The following PIP5K1C variants were observed in gnomAD, a reference collection of about 807,000 sequenced individuals.
The protein encoded by PIP5K1C is phosphatidylinositol-4-phosphate 5-kinase type 1 gamma.
A neutral mutation model predicts 80.1 loss-of-function variants in PIP5K1C; 45 were observed. The ratio of observed to expected loss-of-function variants is 0.56; its 90% CI spans 0.44 to 0.72. The LOEUF (loss-of-function observed/expected upper bound fraction) is 0.72. Ranked by LOEUF, PIP5K1C falls within the 30% of genes least tolerant of loss-of-function variation. PIP5K1C has a pLI of 0.00. For missense variants in PIP5K1C, 753 were observed against 954.6 expected, an observed-to-expected ratio of 0.79 and a Z score of 2.78; for synonymous variants, 498 against 420.1, an observed-to-expected ratio of 1.19 and a Z score of -2.27.
At chr19:3,697,863 C>T (rs186825481) in intron 1 of PIP5K1C, among the ~76,000 whole-genome samples, 2 of 152,242 alleles carry the variant, frequency 1.3e-5, no homozygotes, top group Admixed American at 6.5e-5. Context: ...CCGGCCTTCC[C>T]GAGACCGCCC....
intron 1 of PIP5K1C, among the ~76,000 whole-genome samples, chr19:3,685,524 A>AT (rs978226168): frequency 2.0e-5 from 3 of 152,172 alleles, no homozygotes; most frequent in African/African-American, 7.2e-5. Flanking sequence ...AGGTCAGGAG[A>AT]TCGAGACCAT....
intron 15 of PIP5K1C, 136 bp downstream of exon 15, chr19:3,641,569 C>A: frequency 2.8e-6 from 2 of 713,794 alleles, no homozygotes; most frequent in Non-Finnish European, 5.0e-6. Flanking sequence ...AAAAAATAAA[C>A]TTATGGGAAA....
rs539049814 is a variant in PIP5K1C, at chr19:3,656,525, C to T, written c.501G>A (p.Leu167=). 1.9e-6 allele frequency: 3 copies of T among 1,613,872 alleles called. No homozygotes were observed. The highest frequency in any genetic ancestry group is 1.7e-5 in the Admixed American group (1 of 60,026). The stretch of plus-strand genomic sequence containing the variant: ...GGGAGCCACTGGCGCCCGGGTTGGA[C>T]AGCTCGATCAGCGGCTCATTGCACA... ...YSLCNEPLIE[L]SNPGASGSLF... The change falls in exon 6 of 18, where the codon CTG becomes CTA. Residue 167 remains leucine, a synonymous_variant. Transcript: ENST00000335312.
At chr19:3,638,815 C>A in intron 16 of PIP5K1C, 69 bp downstream of exon 16, 1 of 1,601,558 alleles carries the variant, frequency 6.2e-7, no homozygotes, top group Non-Finnish European at 8.5e-7. Context: ...GCGGTGTGCA[C>A]ACGGTGGAGC....
chr19:3,690,615 G>C (rs977021803), intron 1 of PIP5K1C, among the ~76,000 whole-genome samples: 10 of 152,236 alleles, frequency 6.6e-5, no homozygotes, highest in African/African-American at 2.4e-4. Context: ...ACCAGAAAAG[G>C]AAAGAGTGAT....
At chr19:3,679,869 C>T (rs1009749946) in intron 1 of PIP5K1C, among the ~76,000 whole-genome samples, 2 of 152,230 alleles carry the variant, frequency 1.3e-5, no homozygotes, top group African/African-American at 4.8e-5. Flanking sequence ...GAGCAGGCAA[C>T]TGGAGCCTAG....
At chr19:3,635,004 C>T (rs535521905) in intron 16 of PIP5K1C, among the ~76,000 whole-genome samples, 4 of 152,352 alleles carry the variant, frequency 2.6e-5, no homozygotes, top group South Asian at 2.1e-4. Flanking sequence ...GTCCACCCAA[C>T]GTCCCTTGAG....
chr19:3,642,143 G>A (rs1043397041), intron 14 of PIP5K1C, among the ~76,000 whole-genome samples: 5 of 152,216 alleles, frequency 3.3e-5, no homozygotes, highest in South Asian at 2.1e-4. Context: ...TCAGTGTCCC[G>A]GCCGCCGGGC....
chr19:3,681,077 C>T (rs1218127025), intron 1 of PIP5K1C, among the ~76,000 whole-genome samples: 7 of 152,006 alleles, frequency 4.6e-5, no homozygotes, highest in Non-Finnish European at 1.0e-4. Flanking sequence ...CGCCCCTGTT[C>T]GCCCCCCGCA....
chr19:3,643,254 C>G lies in PIP5K1C; in HGVS notation c.1638G>C (p.Gln546His). The G allele has an allele frequency of 1.2e-6, 2 of 1,613,426 alleles. No homozygotes were observed. The highest frequency in any genetic ancestry group is 1.7e-6 in the Non-Finnish European group (2 of 1,179,740). ...GATGCCTCGCCCACCTGTACCGCGG[C>G]TGCTCCGACGTCTCCGAGGGGGACC... is the stretch of plus-strand genomic sequence containing the variant. ...PERSPSETSE[Q>H]PRYRRRTQSS... The change falls in exon 13 of 18, where the codon CAG becomes CAC. Residue 546 changes from glutamine (Q) to histidine (H), a missense_variant. Physicochemically the swap from Gln to His is conservative, Grantham distance 24. Transcript: ENST00000335312.
chr19:3,660,379 C>CA (rs1717760756), intron 5 of PIP5K1C, among the ~76,000 whole-genome samples: 1 of 143,432 alleles, frequency 7.0e-6, no homozygotes, highest in Non-Finnish European at 1.5e-5. Flanking sequence ...GACTCTGTCT[C>CA]GAAAAAAAAA....
intron 15 of PIP5K1C, among the ~76,000 whole-genome samples, chr19:3,639,567 G>A (rs996556108): frequency 1.3e-5 from 2 of 151,972 alleles, no homozygotes; most frequent in African/African-American, 4.8e-5. Context: ...AAGTAGCTGA[G>A]ACTATAGGTG....
At chr19:3,685,129 C>CT (rs2035713746) in intron 1 of PIP5K1C, among the ~76,000 whole-genome samples, 1 of 152,270 alleles carries the variant, frequency 6.6e-6, no homozygotes, top group African/African-American at 2.4e-5. Context: ...GCCCAGACCC[C>CT]TCTAATGATA....
intron 17 of PIP5K1C, 101 bp downstream of exon 17, chr19:3,633,336 C>A: frequency 7.6e-6 from 7 of 921,208 alleles, no homozygotes; most frequent in Non-Finnish European, 1.1e-5. Context: ...TGTGCCCTCC[C>A]GCCCCGGGCC....
At chr19:3,642,878 C>A (rs757609163) in intron 14 of PIP5K1C, 29 bp downstream of exon 14, 2 of 1,604,258 alleles carry the variant, frequency 1.2e-6, no homozygotes, top group South Asian at 2.2e-5. Context: ...GCTGGTGAGA[C>A]CCAGGGAAGG....
chr19:3,633,615 TA>T (rs778884822), intron 16 of PIP5K1C, 95 bp from the exon 17 acceptor site: 5 of 820,866 alleles, frequency 6.1e-6, no homozygotes, highest in Non-Finnish European at 8.5e-6. Flanking sequence ...CAGGAGAACA[TA>T]AAAGAGGCGA....
chr19:3,643,183 T>C, intron 13 of PIP5K1C, 60 bp downstream of exon 13: 1 of 1,605,178 alleles, frequency 6.2e-7, no homozygotes, highest in Middle Eastern at 1.7e-4. Context: ...ATGCAGTGAA[T>C]GCCCCGCCCC....
chr19:3,651,040 G>A (rs1253665618), intron 8 of PIP5K1C, among the ~76,000 whole-genome samples: 1 of 144,572 alleles, frequency 6.9e-6, no homozygotes, highest in Non-Finnish European at 1.5e-5. Context: ...ACAGGTGTGA[G>A]CCACCGCGCC....
chr19:3,670,087 T>C (rs1214079370), intron 1 of PIP5K1C, among the ~76,000 whole-genome samples: 4 of 29,002 alleles, frequency 1.4e-4, no homozygotes, highest in Admixed American at 4.8e-4. Flanking sequence ...GTCAGGAACC[T>C]GGGGCAGGCG....
Sources: allele counts gnomAD v4.1 joint callset (sites outside exome capture counted in the v4.1 genomes callset), GRCh38; gene constraint gnomAD v4.1.1; transcripts MANE v1.5; gene names NCBI Gene and HGNC (gene_info 2026-07-23, HGNC 2026-07-21).